The following NDUFS4 variants were observed in gnomAD, a reference collection of about 807,000 sequenced individuals.
The protein encoded by NDUFS4 is NADH dehydrogenase [ubiquinone] iron-sulfur protein 4, mitochondrial.
NDUFS4 carries 28 observed loss-of-function variants against 24.3 expected under a neutral mutation model. The ratio of observed to expected loss-of-function variants is 1.15; its 90% CI spans 0.85 to 1.58. NDUFS4 has a LOEUF of 1.58. Among genes scored for constraint, NDUFS4 ranks in the 40% most tolerant of loss-of-function variants. The pLI, the probability that NDUFS4 is intolerant of heterozygous loss-of-function variation, is 0.00. For synonymous variants in NDUFS4, 93 were observed against 69.7 expected, an observed-to-expected ratio of 1.34 and a Z score of -1.67; for missense variants, 223 against 207.9, an observed-to-expected ratio of 1.07 and a Z score of -0.45.
chr5:53,671,067 T>A (rs1448299525), intron 4 of NDUFS4, among the ~76,000 whole-genome samples: 7 of 152,104 alleles, frequency 4.6e-5, no homozygotes, highest in African/African-American at 1.7e-4. Flanking sequence ...ATAGTAGAGA[T>A]AATAGGGAGG....
chr5:53,574,740 T>G (rs1749328674), intron 1 of NDUFS4, among the ~76,000 whole-genome samples: 1 of 152,216 alleles, frequency 6.6e-6, no homozygotes, highest in Admixed American at 6.5e-5. Flanking sequence ...TTTGTTTAAT[T>G]TCCATGTATT....
chr5:53,589,586 C>T lies in NDUFS4; in HGVS notation c.99-13866C>T, dbSNP rs143867216. Among the ~76,000 whole-genome samples, 370 of 152,182 alleles carry T rather than the reference C, an allele frequency of 2.4e-3. 1 individual carries two copies. Among genetic ancestry groups the T allele is most frequent in the African/African-American group, 8.6e-3 (359 of 41,552 alleles). On this transcript the variant is annotated intron_variant, in intron 1 of 4. Coordinates refer to ENST00000296684, the MANE Select transcript of NDUFS4 (RefSeq NM_002495.4). ...GCAATGGGAGTGTAGTCTCAAAATA[C>T]GATTAGAAGGAGAATATGATTAATA...
chr5:53,641,371 G>T (rs1751701793), intron 2 of NDUFS4, among the ~76,000 whole-genome samples: 1 of 152,122 alleles, frequency 6.6e-6, no homozygotes, highest in African/African-American at 2.4e-5. Flanking sequence ...TGTACTCCTT[G>T]TATGATTAGT....
At chr5:53,659,128 A>G (rs973525445) in intron 4 of NDUFS4, among the ~76,000 whole-genome samples, 1 of 152,188 alleles carries the variant, frequency 6.6e-6, no homozygotes, top group African/African-American at 2.4e-5. Flanking sequence ...TTTTCTAGAT[A>G]TAGTGGGCCT....
At chr5:53,645,905 AAAGT>A (rs1751846055) in intron 2 of NDUFS4, among the ~76,000 whole-genome samples, 2 of 152,126 alleles carry the variant, frequency 1.3e-5, no homozygotes, top group African/African-American at 4.8e-5. Context: ...ACTTGCTCAC[AAAGT>A]AAGAGCATTG....
chr5:53,613,384 A>G (rs1750755740), intron 2 of NDUFS4, among the ~76,000 whole-genome samples: 1 of 151,980 alleles, frequency 6.6e-6, no homozygotes, highest in Admixed American at 6.6e-5. Context: ...ATTTTACATC[A>G]AAGAATAGCA....
chr5:53,565,889 T>TA (rs1050699541), intron 1 of NDUFS4, among the ~76,000 whole-genome samples: 2 of 152,276 alleles, frequency 1.3e-5, no homozygotes, highest in Non-Finnish European at 2.9e-5. Context: ...AAGTCAGTAA[T>TA]ACGGCCGGGT....
intron 2 of NDUFS4, among the ~76,000 whole-genome samples, chr5:53,625,906 C>CT (rs996765883): frequency 9.9e-5 from 15 of 152,048 alleles, no homozygotes; most frequent in African/African-American, 2.9e-4. Context: ...TAAAATTATA[C>CT]TTTAAGTTCT....
chr5:53,621,690 ATTTTTTTTTTTTTTTTT>A (rs58169759), intron 2 of NDUFS4, among the ~76,000 whole-genome samples: 1 of 81,546 alleles, frequency 1.2e-5, no homozygotes, highest in East Asian at 5.0e-4. Context: ...CTCATAGTAA[ATTTTTTTTTTTTTTTTT>A]TTTTTTTTTT....
In NDUFS4 at chr5:53,627,677, CTGTT is replaced by C. The variant is rs1365904237; in HGVS notation, c.178-18552_178-18549del. On this transcript the variant is annotated intron_variant, in intron 2 of 4. Coordinates refer to ENST00000296684, the MANE Select transcript of NDUFS4 (RefSeq NM_002495.4). The stretch of plus-strand genomic sequence containing the variant: ...GGGAGTTCACTCAAGATTTGGCTCT[CTGTT>C]TGTCTGTTATTGGTGTATAAGAATG... Among the ~76,000 whole-genome samples, 7 of 152,234 alleles carry C rather than the reference CTGTT, an allele frequency of 4.6e-5. No individual in the cohort carries two copies. In the South Asian group the frequency reaches 8.3e-4, roughly 18 times the overall value.
intron 2 of NDUFS4, among the ~76,000 whole-genome samples, chr5:53,630,502 A>G (rs1751380299): frequency 6.6e-6 from 1 of 151,300 alleles, no homozygotes; most frequent in African/African-American, 2.4e-5. Flanking sequence ...TCTCCCTATC[A>G]CTTTCAGGTA....
intron 3 of NDUFS4, among the ~76,000 whole-genome samples, chr5:53,655,509 A>G (rs747313331): frequency 7.3e-5 from 11 of 150,286 alleles, no homozygotes; most frequent in South Asian, 6.3e-4. Context: ...TTGGGTTTTT[A>G]TGTATAATAC....
intron 1 of NDUFS4, among the ~76,000 whole-genome samples, chr5:53,589,977 A>G (rs536598424): frequency 1.3e-5 from 2 of 152,278 alleles, no homozygotes; most frequent in Admixed American, 1.3e-4. Context: ...TTAATACTTA[A>G]TAAACTCCCT....
intron 2 of NDUFS4, among the ~76,000 whole-genome samples, chr5:53,613,101 T>C (rs1001102802): frequency 9.2e-5 from 14 of 152,030 alleles, no homozygotes; most frequent in Non-Finnish European, 1.0e-4. Context: ...ACTTTTTTTT[T>C]CCCCCTCTAA....
chr5:53,667,465 T>C (rs1044546184), intron 4 of NDUFS4, among the ~76,000 whole-genome samples: 1 of 126,474 alleles, frequency 7.9e-6, no homozygotes, highest in Non-Finnish European at 1.6e-5. Flanking sequence ...GCCTGGGCAA[T>C]AAGAGCAAAA....
chr5:53,577,218 A>G (rs1476221583), intron 1 of NDUFS4, among the ~76,000 whole-genome samples: 3 of 152,148 alleles, frequency 2.0e-5, no homozygotes, highest in Non-Finnish European at 4.4e-5. Flanking sequence ...TACCCATTTG[A>G]AAGGTGGAAG....
intron 1 of NDUFS4, among the ~76,000 whole-genome samples, chr5:53,566,909 C>T (rs930011019): frequency 1.4e-5 from 2 of 146,276 alleles, no homozygotes; most frequent in Non-Finnish European, 3.0e-5. Context: ...AATGCAGTGG[C>T]GTGATCTCGG....
In NDUFS4 at chr5:53,667,270, A is replaced by C. The variant is rs1470394629; in HGVS notation, c.424+8646A>C. 3.3e-5 allele frequency among the ~76,000 whole-genome samples: 5 copies of C among 152,108 alleles called. 1 individual carries two copies. Among genetic ancestry groups the C allele is most frequent in the Non-Finnish European group, 7.4e-5 (5 of 68,022 alleles). On this transcript the variant is annotated intron_variant, in intron 4 of 4. Coordinates refer to ENST00000296684, the MANE Select transcript of NDUFS4 (RefSeq NM_002495.4). Reference sequence around the variant, plus strand: ...CACCTGAGGTCAGGAGTTTGAGATCAGCCTGACCAACATGGAGAACCCTCG... The same window carrying C: ...CACCTGAGGTCAGGAGTTTGAGATCCGCCTGACCAACATGGAGAACCCTCG...
Position 53,615,531 on chromosome 5 carries a change from A to G in NDUFS4, c.177+12001A>G, listed in dbSNP as rs139330097. Among the ~76,000 whole-genome samples, 69 of 152,108 alleles carry G rather than the reference A, an allele frequency of 4.5e-4. 1 individual carries two copies. The East Asian group carries it at 8.9e-3, about 20-fold the overall frequency. On this transcript the variant is annotated intron_variant, in intron 2 of 4. Transcript: ENST00000296684. ...AAAATACCACCTGCAAGCATGTGAG[A>G]TATTCATGTTTTATAAGATGGGGAA...
Sources: allele counts gnomAD v4.1 joint callset (sites outside exome capture counted in the v4.1 genomes callset), GRCh38; gene constraint gnomAD v4.1.1; transcripts MANE v1.5; gene names NCBI Gene and HGNC (gene_info 2026-07-23, HGNC 2026-07-21).